DCDC2C: variants seen among roughly 807,000 people sequenced by gnomAD.
The protein encoded by DCDC2C is doublecortin domain containing 2C.
A neutral mutation model predicts 45.0 loss-of-function variants in DCDC2C; 44 were observed. The ratio of observed to expected loss-of-function variants is 0.98; its 90% CI spans 0.77 to 1.26. The LOEUF is 1.26. Ranked by LOEUF, DCDC2C falls within the 50% of genes most tolerant of loss-of-function variation. The probability of loss-of-function intolerance (pLI) is 0.00; values close to 1 mark genes in which losing one functional copy is unlikely to be tolerated. For synonymous variants in DCDC2C, 187 were observed against 178.8 expected, an observed-to-expected ratio of 1.05 and a Z score of -0.37; for missense variants, 447 against 468.9, an observed-to-expected ratio of 0.95 and a Z score of 0.43.
At chr2:3,799,123 A>G (rs887720390) in intron 10 of DCDC2C, among the ~76,000 whole-genome samples, 5 of 151,502 alleles carry the variant, frequency 3.3e-5, no homozygotes, top group Admixed American at 2.0e-4. Context: ...CCTTCATTTC[A>G]TCTTCCATTG....
At chr2:3,755,249 T>C (rs760052184) in intron 6 of DCDC2C, among the ~76,000 whole-genome samples, 12 of 151,460 alleles carry the variant, frequency 7.9e-5, no homozygotes, top group Non-Finnish European at 1.5e-4. Flanking sequence ...GATGTGCATA[T>C]GATGGGTACA....
intron 2 of DCDC2C, among the ~76,000 whole-genome samples, chr2:3,717,733 G>A (rs942846545): frequency 9.9e-5 from 15 of 152,150 alleles, no homozygotes; most frequent in Non-Finnish European, 5.9e-5. Flanking sequence ...TGGCCCCTGT[G>A]TTCTTCTCCA....
chr2:3,825,053 T>C (rs1016537449), intron 10 of DCDC2C, among the ~76,000 whole-genome samples: 4 of 152,218 alleles, frequency 2.6e-5, no homozygotes, highest in Admixed American at 6.5e-5. Flanking sequence ...TAAAGCCTTG[T>C]CCCCTAGTGG....
At chr2:3,788,299 T>C (rs1395532847) in intron 10 of DCDC2C, 1 of 152,230 alleles carries the variant, frequency 6.6e-6, no homozygotes, top group Non-Finnish European at 1.5e-5. Flanking sequence ...CCTACTTCCA[T>C]CCTGTATTGG....
chr2:3,735,028 C>T (rs1289747209), intron 3 of DCDC2C, among the ~76,000 whole-genome samples: 5 of 152,054 alleles, frequency 3.3e-5, no homozygotes, highest in East Asian at 1.9e-4. Flanking sequence ...CCCAATTGTT[C>T]GTTTGTTTCC....
intron 10 of DCDC2C, among the ~76,000 whole-genome samples, chr2:3,804,446 T>C (rs556881135): frequency 6.6e-6 from 1 of 152,344 alleles, no homozygotes; most frequent in South Asian, 2.1e-4. Context: ...ACTTTAAAGA[T>C]GACAGTCAAT....
At chr2:3,724,682 T>C (rs1281575202) in intron 2 of DCDC2C, among the ~76,000 whole-genome samples, 4 of 152,124 alleles carry the variant, frequency 2.6e-5, no homozygotes, top group Non-Finnish European at 5.9e-5. Flanking sequence ...TTGTGAAACC[T>C]GGCTGGGGTC....
At chr2:3,767,615 G>A (rs1670047151) in intron 6 of DCDC2C, 139 bp from the exon 7 acceptor site, 2 of 896,566 alleles carry the variant, frequency 2.2e-6, no homozygotes, top group Non-Finnish European at 3.3e-6. Context: ...TCGAAGTGAG[G>A]CTTCTTGGAG....
At chr2:3,764,611 A>T (rs1462986102) in intron 6 of DCDC2C, among the ~76,000 whole-genome samples, 1 of 152,246 alleles carries the variant, frequency 6.6e-6, no homozygotes, top group African/African-American at 2.4e-5. Context: ...CTGTGAGTCC[A>T]TTGAACCTCT....
At chr2:3,704,715 GA>G in intron 1 of DCDC2C, among the ~76,000 whole-genome samples, 1 of 94,354 alleles carries the variant, frequency 1.1e-5, no homozygotes, top group Non-Finnish European at 2.1e-5. Flanking sequence ...GGGGAGGGGG[GA>G]GGGGCGTGGG....
intron 3 of DCDC2C, among the ~76,000 whole-genome samples, chr2:3,733,823 G>C (rs1056210594): frequency 2.0e-5 from 3 of 152,100 alleles, no homozygotes; most frequent in Admixed American, 6.5e-5. Flanking sequence ...GGGGGTGAGG[G>C]GACACGATTC....
At chr2:3,727,536 C>T (rs1342191893) in intron 3 of DCDC2C, among the ~76,000 whole-genome samples, 1 of 152,178 alleles carries the variant, frequency 6.6e-6, no homozygotes, top group Non-Finnish European at 1.5e-5. Flanking sequence ...TCATGGGCTA[C>T]AGCACATCCA....
intron 5 of DCDC2C, 78 bp downstream of exon 5, chr2:3,752,978 T>A (rs892509159): frequency 7.1e-7 from 1 of 1,418,382 alleles, no homozygotes; most frequent in African/African-American, 1.4e-5. Context: ...CCCAAATAGG[T>A]CCAGTTCAGC....
Position 3,813,059 on chromosome 2 carries a change from ATATATATATT to A in DCDC2C, c.1065+27961_1065+27970del, listed in dbSNP as rs1262901857. On this transcript the variant is annotated intron_variant, in intron 10 of 10. Coordinates refer to ENST00000399143, the MANE Select transcript of DCDC2C (RefSeq NM_001287444.2). ...AGAACGTATATATATATATATATAT[ATATATATATT>A]TTTTTTTTTTTGCTGTTTTTGAGAT... Among the ~76,000 whole-genome samples, 149 of 47,788 alleles carry A rather than the reference ATATATATATT, an allele frequency of 3.1e-3. 2 individuals are homozygous for A. Among genetic ancestry groups the A allele is most frequent in the African/African-American group, 6.1e-3 (45 of 7,376 alleles). 31.4% of individuals were successfully genotyped at this position (47,788 alleles called of 152,430 possible).
intron 10 of DCDC2C, among the ~76,000 whole-genome samples, chr2:3,822,179 A>G (rs532267058): frequency 6.6e-6 from 1 of 152,364 alleles, no homozygotes; most frequent in South Asian, 2.1e-4. Context: ...ATGGCTGAAT[A>G]GTATTCCATT....
At chr2:3,778,679 C>G (rs961997261) in intron 8 of DCDC2C, 137 bp from the exon 9 acceptor site, 104 of 717,190 alleles carry the variant, frequency 1.5e-4, no homozygotes, top group Non-Finnish European at 2.3e-4. Flanking sequence ...CATCCTGCAT[C>G]TGGAGAAACT....
At chr2:3,836,984 C>A (rs1217795479) in intron 10 of DCDC2C, among the ~76,000 whole-genome samples, 2 of 152,054 alleles carry the variant, frequency 1.3e-5, no homozygotes, top group African/African-American at 4.8e-5. Flanking sequence ...AGGACCAGAA[C>A]TCCTTTTTCC....
At chr2:3,715,230 T>G (rs1004332746) in intron 2 of DCDC2C, among the ~76,000 whole-genome samples, 1 of 152,178 alleles carries the variant, frequency 6.6e-6, no homozygotes, top group Admixed American at 6.5e-5. Flanking sequence ...GAATGTTGCA[T>G]TAAGAGATGT....
chr2:3,707,197 T>C (rs1319931900), intron 1 of DCDC2C, among the ~76,000 whole-genome samples: 1 of 152,226 alleles, frequency 6.6e-6, no homozygotes, highest in East Asian at 1.9e-4. Flanking sequence ...TTGTCCTTTC[T>C]TTCTGTTTTT....
Sources: allele counts gnomAD v4.1 joint callset (sites outside exome capture counted in the v4.1 genomes callset), GRCh38; gene constraint gnomAD v4.1.1; transcripts MANE v1.5; gene names NCBI Gene and HGNC (gene_info 2026-07-23, HGNC 2026-07-21).